STARD13: variants seen among roughly 807,000 people sequenced by gnomAD.
STARD13 encodes stAR-related lipid transfer protein 13.
A neutral mutation model predicts 106.4 loss-of-function variants in STARD13; 62 were observed. The ratio of observed to expected loss-of-function variants is 0.58; its 90% CI spans 0.48 to 0.72. The LOEUF is 0.72. Among genes scored for constraint, STARD13 ranks in the 30% least tolerant of loss-of-function variants. The pLI is 0.00. For synonymous variants in STARD13, 565 were observed against 553.0 expected (o/e 1.02, Z -0.31); for missense variants, 1,387 against 1,424.0 (o/e 0.97, Z 0.42).
chr13:33,630,692 C>A, the STARD13 span, among the ~76,000 whole-genome samples: 6 of 152,142 alleles, frequency 3.9e-5, no homozygotes, highest in African/African-American at 1.4e-4. Context: ...GGAATTGTAT[C>A]TTGTTCTTCA....
At chr13:33,601,210 TTTTG>T in the STARD13 span, among the ~76,000 whole-genome samples, 17 of 152,066 alleles carry the variant, frequency 1.1e-4, no homozygotes, top group East Asian at 2.9e-3. Flanking sequence ...CAAAAAATGT[TTTTG>T]TTTTTTTTTT....
At chr13:33,215,804 A>C (rs1240492900) in intron 1 of STARD13, among the ~76,000 whole-genome samples, 1 of 152,206 alleles carries the variant, frequency 6.6e-6, no homozygotes, top group Non-Finnish European at 1.5e-5. Context: ...AATCTTCACA[A>C]TCTATACATC....
the STARD13 span, among the ~76,000 whole-genome samples, chr13:33,593,304 C>T: frequency 2.0e-4 from 30 of 152,202 alleles, no homozygotes; most frequent in African/African-American, 7.0e-4. Context: ...CCTGCCTCAG[C>T]CTCCGGAGTA....
the STARD13 span, among the ~76,000 whole-genome samples, chr13:33,528,261 T>TATATATATATATATATATATATAC: frequency 9.6e-4 from 123 of 128,252 alleles, 2 homozygotes; most frequent in African/African-American, 3.9e-3. Flanking sequence ...TATATACATA[T>TATATATATATATATATATATATAC]ATATATATAT....
At chr13:33,393,455 T>C in the STARD13 span, among the ~76,000 whole-genome samples, 7 of 152,296 alleles carry the variant, frequency 4.6e-5, no homozygotes, top group South Asian at 1.4e-3. Flanking sequence ...AATCTTTTGG[T>C]ACTTGGCAGG....
intron 9 of STARD13, 103 bp from the exon 10 acceptor site, chr13:33,111,995 A>T (rs1212865976): frequency 1.5e-5 from 10 of 689,488 alleles, no homozygotes; most frequent in Admixed American, 1.1e-4. Flanking sequence ...GATGCTATCC[A>T]GATCCCAGGC....
At chr13:33,391,585 C>A in the STARD13 span, among the ~76,000 whole-genome samples, 1 of 152,114 alleles carries the variant, frequency 6.6e-6, no homozygotes, top group Non-Finnish European at 1.5e-5. Context: ...GTGACAGAAT[C>A]AGTTATAAAT....
chr13:33,497,891 T>C, the STARD13 span, among the ~76,000 whole-genome samples: 1 of 152,206 alleles, frequency 6.6e-6, no homozygotes, highest in East Asian at 1.9e-4. Context: ...ATTACTTTTG[T>C]GGTTCTACTA....
chr13:33,546,619 T>G, the STARD13 span, among the ~76,000 whole-genome samples: 3 of 151,926 alleles, frequency 2.0e-5, no homozygotes, highest in Admixed American at 6.6e-5. Flanking sequence ...TGTGATGAGC[T>G]AAATTTATTT....
the STARD13 span, among the ~76,000 whole-genome samples, chr13:33,499,798 T>C: frequency 7.4e-6 from 1 of 135,154 alleles, no homozygotes; most frequent in Non-Finnish European, 1.6e-5. Flanking sequence ...AAGGTCTTAC[T>C]CTATTCCCCA....
chr13:33,589,630 G>T, the STARD13 span, among the ~76,000 whole-genome samples: 2 of 152,178 alleles, frequency 1.3e-5, no homozygotes, highest in African/African-American at 4.8e-5. Context: ...TCTTAATCCT[G>T]AGTTCTAGTT....
chr13:33,662,849 T>G, the STARD13 span, among the ~76,000 whole-genome samples: 27 of 152,126 alleles, frequency 1.8e-4, no homozygotes, highest in African/African-American at 5.1e-4. Flanking sequence ...GGAGGAAATA[T>G]AAAAAGCTAA....
chr13:33,129,960 G>A lies in STARD13; in HGVS notation c.717C>T (p.Val239=), dbSNP rs373205648. 5.6e-6 allele frequency: 9 copies of A among 1,613,330 alleles called. No individual in the cohort carries two copies. Among genetic ancestry groups the A allele is most frequent in the Non-Finnish European group, 6.8e-6 (8 of 1,179,940 alleles). The change falls in exon 5 of 14, where the codon GTC becomes GTT. Residue 239 remains valine, a synonymous_variant. Transcript: ENST00000336934. The part of the protein sequence containing the change: ...SSSLPQPPRD[V]LNHPFHPKNE... Reference sequence around the variant, plus strand: ...TCTTGGGGTGGAAGGGGTGGTTGAGGACATCTCTGGGGGGCTGTGGGAGGC... The same window carrying A: ...TCTTGGGGTGGAAGGGGTGGTTGAGAACATCTCTGGGGGGCTGTGGGAGGC...
intron 1 of STARD13, among the ~76,000 whole-genome samples, chr13:33,303,284 G>A (rs1407655259): frequency 5.9e-5 from 9 of 152,050 alleles, no homozygotes; most frequent in Non-Finnish European, 8.8e-5. Flanking sequence ...AATATCCCAC[G>A]CACATCTTTG....
At chr13:33,655,920 G>A in the STARD13 span, among the ~76,000 whole-genome samples, 1 of 152,090 alleles carries the variant, frequency 6.6e-6, no homozygotes, top group South Asian at 2.1e-4. Context: ...TTGAAAATGG[G>A]AAACATATTA....
chr13:33,411,145 T>C, the STARD13 span, among the ~76,000 whole-genome samples: 7 of 152,198 alleles, frequency 4.6e-5, no homozygotes, highest in Admixed American at 1.3e-4. Flanking sequence ...TACTACATCA[T>C]TTATTTCATT....
the STARD13 span, among the ~76,000 whole-genome samples, chr13:33,462,249 T>A: frequency 6.6e-6 from 1 of 152,222 alleles, no homozygotes; most frequent in African/African-American, 2.4e-5. Context: ...CCACTGCCAT[T>A]GTGTCTTTCT....
chr13:33,429,926 T>TGG, the STARD13 span, among the ~76,000 whole-genome samples: 427 of 138,568 alleles, frequency 3.1e-3, 7 homozygotes, highest in African/African-American at 0.012. Flanking sequence ...TACTTTTTTT[T>TGG]TGGGGGGGGG....
At chr13:33,258,351 A>G (rs937926818) in intron 1 of STARD13, among the ~76,000 whole-genome samples, 38 of 152,244 alleles carry the variant, frequency 2.5e-4, no homozygotes, top group African/African-American at 9.2e-4. Context: ...TATGTTCTCA[A>G]TAGAAGAAGA....
Sources: gnomAD v4.1 joint callset for allele counts (sites outside exome capture counted in the v4.1 genomes callset) on GRCh38, gnomAD v4.1.1 for gene constraint, MANE v1.5 for transcripts, NCBI Gene and HGNC (gene_info 2026-07-23, HGNC 2026-07-21) for gene names.